The following SKOR2 variants were observed in gnomAD, a reference collection of about 807,000 sequenced individuals.
SKOR2 encodes the protein SKI family transcriptional corepressor 2, also known as LBX1 corepressor 1-like protein.
In SKOR2, 47 loss-of-function variants were observed where a neutral mutation model predicts 69.1. The observed-to-expected ratio is 0.68, with a 90% CI of 0.54 to 0.87. The LOEUF is 0.87. SKOR2 is among the 40% of genes least tolerant of loss of function. SKOR2 has a pLI of 0.00. For synonymous variants in SKOR2, 717 were observed against 672.6 expected (o/e 1.07, Z -1.02); for missense variants, 1,404 against 1,472.2 (o/e 0.95, Z 0.76).
intron 8 of SKOR2, among the ~76,000 whole-genome samples, chr18:47,210,605 T>TA (rs2064125051): frequency 6.6e-6 from 1 of 152,232 alleles, no homozygotes; most frequent in African/African-American, 2.4e-5. Context: ...CTAAATGTTC[T>TA]AAAATTTTCA....
intron 4 of SKOR2, among the ~76,000 whole-genome samples, chr18:47,235,548 C>T (rs114037736): frequency 4.5e-4 from 68 of 152,168 alleles, no homozygotes; most frequent in African/African-American, 1.5e-3. Flanking sequence ...CAACTGGAGA[C>T]CAGAGAGCCT....
At chr18:47,236,582 C>T (rs976557732) in intron 4 of SKOR2, among the ~76,000 whole-genome samples, 2 of 152,158 alleles carry the variant, frequency 1.3e-5, no homozygotes, top group Non-Finnish European at 2.9e-5. Context: ...GATTAATGCC[C>T]TTATAAAAGA....
intron 6 of SKOR2, among the ~76,000 whole-genome samples, chr18:47,229,910 A>C (rs1431642865): frequency 1.3e-5 from 2 of 152,192 alleles, no homozygotes; most frequent in African/African-American, 2.4e-5. Flanking sequence ...TCAGAATGGA[A>C]TTTTAACATT....
chr18:47,212,211 A>G, intron 7 of SKOR2, 60 bp from the exon 8 acceptor site: 1 of 1,219,344 alleles, frequency 8.2e-7, no homozygotes, highest in Non-Finnish European at 1.0e-6. Context: ...CAGATATGTA[A>G]TGGAGACCCT....
intron 6 of SKOR2, among the ~76,000 whole-genome samples, chr18:47,228,236 GCA>G (rs1410501630): frequency 1.3e-5 from 2 of 152,178 alleles, no homozygotes; most frequent in Admixed American, 1.3e-4. Context: ...TTAAACTTGG[GCA>G]CACACATGCC....
chr18:47,214,565 T>C (rs1183356111), intron 7 of SKOR2, among the ~76,000 whole-genome samples: 3 of 152,222 alleles, frequency 2.0e-5, no homozygotes, highest in African/African-American at 7.2e-5. Context: ...ATAAAGATTA[T>C]AGTAGCATGG....
intron 2 of SKOR2, among the ~76,000 whole-genome samples, chr18:47,246,019 A>G (rs546320769): frequency 6.6e-6 from 1 of 152,160 alleles, no homozygotes; most frequent in South Asian, 2.1e-4. Flanking sequence ...AAGAGGGTCT[A>G]TACTGAAGAT....
chr18:47,229,344 T>G (rs1393062705), intron 6 of SKOR2, among the ~76,000 whole-genome samples: 1 of 152,120 alleles, frequency 6.6e-6, no homozygotes, highest in African/African-American at 2.4e-5. Flanking sequence ...TAATTTTAAA[T>G]ATATATAATT....
At chr18:47,240,562 C>T (rs1188516440) in intron 4 of SKOR2, among the ~76,000 whole-genome samples, 1 of 152,012 alleles carries the variant, frequency 6.6e-6, no homozygotes, top group African/African-American at 2.4e-5. Flanking sequence ...AGAATTATAT[C>T]TGCTGTATGT....
intron 7 of SKOR2, among the ~76,000 whole-genome samples, chr18:47,218,200 T>C (rs1294548280): frequency 6.6e-6 from 1 of 152,132 alleles, no homozygotes; most frequent in Non-Finnish European, 1.5e-5. Context: ...AAATACTGTT[T>C]CCTTTCCTAA....
chr18:47,231,031 T>A, intron 4 of SKOR2, 31 bp from the exon 5 acceptor site: 2 of 1,535,674 alleles, frequency 1.3e-6, no homozygotes, highest in Non-Finnish European at 1.7e-6. Context: ...ATACTATTAG[T>A]TTTGTGTAGG....
At chr18:47,243,466 T>C (rs961555557) in intron 4 of SKOR2, among the ~76,000 whole-genome samples, 6 of 152,318 alleles carry the variant, frequency 3.9e-5, no homozygotes, top group Non-Finnish European at 8.8e-5. Flanking sequence ...TCTAGAAATG[T>C]CTGGGAAATG....
rs2064127536 is a variant in SKOR2 at position 47,211,421 on chromosome 18, C to T, written c.*3+665G>A. On this transcript the variant is annotated intron_variant, in intron 8 of 8. Coordinates refer to ENST00000425639, the MANE Select transcript of SKOR2 (RefSeq NM_001278063.4). The stretch of plus-strand genomic sequence containing the variant: ...CAATTCTAATAATTACATGTGTCTT[C>T]TTCCATGGGCTGAAAAAGTTTCTTT... Among the ~76,000 whole-genome samples, 3 of 152,198 alleles carry T rather than the reference C, an allele frequency of 2.0e-5. No homozygotes were observed. In the South Asian group the frequency reaches 6.2e-4, roughly 31 times the overall value.
chr18:47,223,443 T>C (rs1489940042), intron 6 of SKOR2, among the ~76,000 whole-genome samples: 1 of 152,238 alleles, frequency 6.6e-6, no homozygotes, highest in Non-Finnish European at 1.5e-5. Context: ...TGAAATTATA[T>C]GTTAAGACTT....
intron 6 of SKOR2, among the ~76,000 whole-genome samples, chr18:47,224,846 C>A (rs990880166): frequency 1.3e-5 from 2 of 152,086 alleles, no homozygotes; most frequent in Admixed American, 1.3e-4. Flanking sequence ...TCTCAAACTT[C>A]TGGGCTCAAG....
Position 47,247,567 on chromosome 18 carries a change from G to T in SKOR2, c.1617C>A (p.Gly539=). Residue 539 remains glycine, a synonymous_variant, in exon 2 of 9, where the codon GGC becomes GGA. Coordinates refer to ENST00000425639, the MANE Select transcript of SKOR2 (RefSeq NM_001278063.4). The surrounding 1 kb of genome is among the most constrained non-coding windows in gnomAD (Gnocchi z 6.6). The part of the protein sequence containing the change: ...PGQPPQVVAN[G]PGSGPPPPAG... ...CAGGAGGAGGTGGGCCGGAGCCCGG[G>T]CCGTTGGCCACTACCTGCGGGGGCT... The T allele has an allele frequency of 2.4e-6, 3 of 1,240,626 alleles. No individual in the cohort carries two copies. The highest frequency in any genetic ancestry group is 3.3e-5 in the South Asian group (1 of 30,202). 76.9% of individuals were successfully genotyped at this position (1,240,626 alleles called of 1,614,324 possible).
chr18:47,216,597 G>T (rs887201229), intron 7 of SKOR2, among the ~76,000 whole-genome samples: 1 of 152,136 alleles, frequency 6.6e-6, no homozygotes, highest in South Asian at 2.1e-4. Flanking sequence ...ATCTAAAAAT[G>T]CAGGAGCCAA....
chr18:47,210,807 C>G (rs2064125604), intron 8 of SKOR2, among the ~76,000 whole-genome samples: 1 of 152,262 alleles, frequency 6.6e-6, no homozygotes, highest in Middle Eastern at 3.4e-3. Flanking sequence ...ATCATCTGCT[C>G]ACCAAGAACA....
Position 47,212,146 on chromosome 18 carries a change from G to A in SKOR2, c.2991C>T (p.Pro997=). The change falls in exon 8 of 9, where the codon CCC becomes CCT. Residue 997 remains proline (P), a synonymous_variant. Transcript: ENST00000425639. ...CTTTCCTGATCAAACTTGCTGCATA[G>A]GGGATCTGTAAGACAAAAACAAGCA... is the stretch of plus-strand genomic sequence containing the variant. ...EEMVQQLQII[P]YAASLIRKEK... is the part of the protein sequence containing the mutation. 8.1e-7 allele frequency: 1 copy of A among 1,231,974 alleles called. No individual in the cohort carries two copies. The highest frequency in any genetic ancestry group is 1.0e-6 in the Non-Finnish European group (1 of 987,866). The allele number at this position is 1,231,974 out of a possible 1,614,324, so 76.3% of individuals were successfully genotyped here.
Sources: gnomAD v4.1 joint callset for allele counts (sites outside exome capture counted in the v4.1 genomes callset) on GRCh38, gnomAD v4.1.1 for gene constraint, Gnocchi (gnomAD v3.1) non-coding constraint, MANE v1.5 for transcripts, NCBI Gene and HGNC (gene_info 2026-07-23, HGNC 2026-07-21) for gene names.